Variants in PGCKA1 observed in about 807,000 individuals in gnomAD.
PGCKA1 encodes PDCD10 and GCKIII kinases-associated protein 1.
chr4:37,570,884 A>G, the PGCKA1 span, among the ~76,000 whole-genome samples: 1 of 152,256 alleles, frequency 6.6e-6, no homozygotes, highest in Non-Finnish European at 1.5e-5. Flanking sequence ...GGAAGGGGGA[A>G]CAACAGTCTC....
chr4:37,480,415 C>T, the PGCKA1 span, among the ~76,000 whole-genome samples: 2 of 152,218 alleles, frequency 1.3e-5, no homozygotes, highest in Admixed American at 1.3e-4. Context: ...ATTGCTTGAA[C>T]CCGGGAGGCG....
chr4:37,514,896 G>C, the PGCKA1 span, among the ~76,000 whole-genome samples: 3 of 152,176 alleles, frequency 2.0e-5, no homozygotes, highest in Non-Finnish European at 4.4e-5. Flanking sequence ...TGTGGGTCAA[G>C]GTCCTCTCCA....
At chr4:37,546,497 C>T in the PGCKA1 span, among the ~76,000 whole-genome samples, 39 of 152,338 alleles carry the variant, frequency 2.6e-4, no homozygotes, top group Non-Finnish European at 4.0e-4. Flanking sequence ...CAATCAATCA[C>T]GACCCTTTCA....
At chr4:37,564,991 C>T in the PGCKA1 span, among the ~76,000 whole-genome samples, 1 of 151,614 alleles carries the variant, frequency 6.6e-6, no homozygotes, top group Admixed American at 6.6e-5. Flanking sequence ...CACAGACACA[C>T]ACACTAGTCT....
chr4:37,526,899 G>A, the PGCKA1 span, among the ~76,000 whole-genome samples: 3 of 152,088 alleles, frequency 2.0e-5, no homozygotes, highest in Non-Finnish European at 4.4e-5. Context: ...GCCTCAGGCA[G>A]GTCCTTCAGG....
chr4:37,470,370 CTTTAAA>C, the PGCKA1 span, among the ~76,000 whole-genome samples: 32,017 of 152,024 alleles, frequency 0.21, 4,427 homozygotes, highest in Non-Finnish European at 0.31. Context: ...GGTGCTGTGT[CTTTAAA>C]TTTAAAGATA....
the PGCKA1 span, among the ~76,000 whole-genome samples, chr4:37,510,391 C>T: frequency 3.3e-5 from 5 of 152,066 alleles, no homozygotes; most frequent in South Asian, 2.1e-4. Context: ...ATTTGGATGC[C>T]GTGACCTAAT....
the PGCKA1 span, among the ~76,000 whole-genome samples, chr4:37,546,748 G>GT: frequency 6.6e-6 from 1 of 152,226 alleles, no homozygotes; most frequent in Non-Finnish European, 1.5e-5. Context: ...GGCCTGCCCT[G>GT]TGGAGCATCC....
the PGCKA1 span, among the ~76,000 whole-genome samples, chr4:37,504,567 C>A: frequency 1.3e-5 from 2 of 151,954 alleles, no homozygotes; most frequent in African/African-American, 4.8e-5. Context: ...TATGGAATAC[C>A]TTTCCATTTT....
the PGCKA1 span, among the ~76,000 whole-genome samples, chr4:37,526,043 T>C: frequency 6.6e-6 from 1 of 152,248 alleles, no homozygotes; most frequent in African/African-American, 2.4e-5. Context: ...TGTATCATAC[T>C]GTTTATGATG....
chr4:37,495,375 A>G, the PGCKA1 span, among the ~76,000 whole-genome samples: 62,569 of 152,014 alleles, frequency 0.41, 13,131 homozygotes, highest in African/African-American at 0.47. Context: ...CAGCAATCCC[A>G]TTACTGGGTA....
At chr4:37,455,128 A>G in the PGCKA1 span, among the ~76,000 whole-genome samples, 2 of 152,198 alleles carry the variant, frequency 1.3e-5, no homozygotes, top group Non-Finnish European at 2.9e-5. Flanking sequence ...TGAGAGTTGA[A>G]TGAGAAAGAA....
chr4:37,530,636 G>A, the PGCKA1 span, among the ~76,000 whole-genome samples: 1 of 148,200 alleles, frequency 6.7e-6, no homozygotes, highest in Non-Finnish European at 1.5e-5. Context: ...AAGAATGATT[G>A]CCACTGGGCT....
chr4:37,591,045 A>C, the PGCKA1 span: 1 of 1,514,408 alleles, frequency 6.6e-7, no homozygotes, highest in Non-Finnish European at 9.0e-7. Flanking sequence ...CATGCTGAGC[A>C]TGCAGATGCA....
chr4:37,518,042 A>G, the PGCKA1 span, among the ~76,000 whole-genome samples: 1 of 152,180 alleles, frequency 6.6e-6, no homozygotes, highest in Non-Finnish European at 1.5e-5. Flanking sequence ...GGCTTATTTC[A>G]CTTAACATAA....
the PGCKA1 span, among the ~76,000 whole-genome samples, chr4:37,482,359 A>C: frequency 3.9e-5 from 6 of 152,292 alleles, no homozygotes; most frequent in South Asian, 2.1e-4. Context: ...GGTGGTTTCC[A>C]ATGGAGATGA....
the PGCKA1 span, among the ~76,000 whole-genome samples, chr4:37,548,149 T>G: frequency 1.3e-5 from 2 of 151,904 alleles, no homozygotes; most frequent in Admixed American, 6.6e-5. Context: ...CGTTGAAAAA[T>G]TGTCTGTGAA....
the PGCKA1 span, among the ~76,000 whole-genome samples, chr4:37,532,305 C>T: frequency 6.6e-6 from 1 of 152,294 alleles, no homozygotes; most frequent in Non-Finnish European, 1.5e-5. Context: ...AGAATTTGCT[C>T]ATGTCATTAA....
chr4:37,490,422 G>A, the PGCKA1 span, among the ~76,000 whole-genome samples: 8 of 152,206 alleles, frequency 5.3e-5, no homozygotes, highest in South Asian at 8.3e-4. Context: ...TACTAGAAAC[G>A]TGTAGGAGTG....
Sources: allele counts gnomAD v4.1 joint callset (sites outside exome capture counted in the v4.1 genomes callset), GRCh38; gene constraint gnomAD v4.1.1; transcripts MANE v1.5; gene names NCBI Gene and HGNC (gene_info 2026-07-23, HGNC 2026-07-21).